Variants in AKAP12 observed in about 807,000 individuals in gnomAD.
AKAP12 encodes the protein A-kinase anchoring protein 12.
A neutral mutation model predicts 79.9 loss-of-function variants in AKAP12; 32 were observed. The ratio of observed to expected loss-of-function variants is 0.40; its 90% CI spans 0.30 to 0.54. AKAP12 has a LOEUF of 0.54. AKAP12 is among the 20% of genes least tolerant of loss of function. The pLI is 0.48. For missense variants in AKAP12, 2,074 were observed against 2,177.0 expected (o/e 0.95, Z 0.94); for synonymous variants, 808 against 857.0 (o/e 0.94, Z 1.00).
In AKAP12 at chr6:151,324,966, G is replaced by T. The variant is rs1777487084; in HGVS notation, c.319+19063G>T. On this transcript the variant is annotated intron_variant, in intron 3 of 4. Coordinates refer to ENST00000402676, the MANE Select transcript of AKAP12 (RefSeq NM_005100.4). ...GATAGTGTCTAAAAATTGGAACATG[G>T]CATAGTTTGATCTAAAAAGTTAGCT... 5 of 985,386 alleles carry T rather than the reference G, an allele frequency of 5.1e-6. No individual in the cohort carries two copies. The South Asian group carries it at 1.9e-4, about 37-fold the overall frequency. The allele number at this position is 985,386 out of a possible 1,614,324, so 61.0% of individuals were successfully genotyped here.
intron 3 of AKAP12, among the ~76,000 whole-genome samples, chr6:151,321,860 C>T (rs562902029): frequency 7.3e-5 from 11 of 151,610 alleles, no homozygotes; most frequent in African/African-American, 1.5e-4. Flanking sequence ...CCTTGCCCCC[C>T]GCCACCTGCC....
intron 3 of AKAP12, chr6:151,323,903 G>T (rs1434667110): frequency 1.0e-6 from 1 of 985,282 alleles, no homozygotes; most frequent in Non-Finnish European, 1.2e-6. Flanking sequence ...CAAGCCCTCA[G>T]ATCCCAGATC....
At chr6:151,267,447 G>A (rs974759691) in intron 2 of AKAP12, among the ~76,000 whole-genome samples, 1 of 152,186 alleles carries the variant, frequency 6.6e-6, no homozygotes, top group Admixed American at 6.5e-5. Context: ...GACCTTAAAA[G>A]ACTCATTCAG....
chr6:151,298,419 C>G (rs1266377022), intron 2 of AKAP12, among the ~76,000 whole-genome samples: 1 of 152,138 alleles, frequency 6.6e-6, no homozygotes, highest in Non-Finnish European at 1.5e-5. Flanking sequence ...ACAAAGACAG[C>G]TAAAATTTAT....
rs146201134 is a variant in AKAP12, at chr6:151,332,929, G to A, written c.320-15782G>A. On this transcript the variant is annotated intron_variant, in intron 3 of 4. Coordinates refer to ENST00000402676, the MANE Select transcript of AKAP12 (RefSeq NM_005100.4). ...ATGGGAGAGACTTGGGCGGATAGCAGCGTGTTTAAAAATGGCGGGGTCATT... is the reference window on the plus strand; with the variant it reads ...ATGGGAGAGACTTGGGCGGATAGCAACGTGTTTAAAAATGGCGGGGTCATT... Among the ~76,000 whole-genome samples, 284 of 152,308 alleles carry A rather than the reference G, an allele frequency of 1.9e-3. 1 individual carries two copies. The highest frequency in any genetic ancestry group is 6.7e-3 in the African/African-American group (278 of 41,556).
intron 3 of AKAP12, among the ~76,000 whole-genome samples, chr6:151,330,545 C>T (rs1019185417): frequency 3.3e-5 from 5 of 152,156 alleles, no homozygotes; most frequent in Admixed American, 1.3e-4. Flanking sequence ...TGTAAGCCGT[C>T]CTGATGTGCC....
In AKAP12 at chr6:151,350,010, G is replaced by A; in HGVS notation, c.1619G>A (p.Gly540Glu). 1 of 1,614,070 alleles carries A rather than the reference G, an allele frequency of 6.2e-7. No homozygotes were observed. The highest frequency in any genetic ancestry group is 8.5e-7 in the Non-Finnish European group (1 of 1,180,010). The change falls in exon 4 of 5, where the codon GGA (glycine) becomes GAA (glutamate). Residue 540 changes from glycine to glutamate, a missense_variant. This residue lies in a region of AKAP12 where 1,428 missense variants were observed against 1,451.0 expected (regional missense o/e 0.98). Transcript: ENST00000402676. The surrounding 1 kb of genome is among the most constrained non-coding windows in gnomAD (Gnocchi z 4.8). The stretch of plus-strand genomic sequence containing the variant: ...AAACAGAAAGGGAAAAGAGGAGGAG[G>A]AGACGAGGAATCAGGGGAGCACACT... ...GKKQKGKRGG[G>E]DEESGEHTQV...
chr6:151,308,144 G>A (rs1007667541), intron 3 of AKAP12, among the ~76,000 whole-genome samples: 2 of 152,092 alleles, frequency 1.3e-5, no homozygotes, highest in African/African-American at 4.8e-5. Flanking sequence ...CAAAGTGGTG[G>A]GATTACAGGT....
chr6:151,240,628 G>C lies in AKAP12; in HGVS notation c.66G>C (p.Pro22=). The C allele has an allele frequency of 1.5e-6, 2 of 1,376,182 alleles. No homozygotes were observed. Among genetic ancestry groups the C allele is most frequent in the Non-Finnish European group, 1.9e-6 (2 of 1,068,304 alleles). 85.2% of individuals were successfully genotyped at this position (1,376,182 alleles called of 1,614,324 possible). Residue 22 remains proline, a synonymous_variant, in exon 2 of 5, where the codon CCG becomes CCC. Coordinates refer to ENST00000402676, the MANE Select transcript of AKAP12 (RefSeq NM_005100.4). ...AGCCGCCCGAGGGGAGCTCCACGCC[G>C]GCTGAGCCCGAGCCCAGCGGCGGCG... The part of the protein sequence containing the change: ...PEQPPEGSST[P]AEPEPSGGGP...
At chr6:151,337,677 TG>T (rs551703419) in intron 3 of AKAP12, among the ~76,000 whole-genome samples, 237 of 152,314 alleles carry the variant, frequency 1.6e-3, no homozygotes, top group Non-Finnish European at 3.1e-3. Context: ...ACTTTCTTTT[TG>T]TTGGGAAAAC....
chr6:151,345,921 GTGTGTGT>G (rs1321696340), intron 3 of AKAP12, among the ~76,000 whole-genome samples: 1 of 139,516 alleles, frequency 7.2e-6, no homozygotes, highest in Non-Finnish European at 1.5e-5. Flanking sequence ...GTGTGTGTGT[GTGTGTGT>G]GTGTGAGAGA....
chr6:151,301,825 G>A lies in AKAP12; in HGVS notation c.163-3922G>A, dbSNP rs541485970. On this transcript the variant is annotated intron_variant, in intron 2 of 4. Coordinates refer to ENST00000402676, the MANE Select transcript of AKAP12 (RefSeq NM_005100.4). ...CTGTCATAAATCGTTTTCTACCGAAGTTAATAATGTATCTACGGCCTTTCT... is the reference window on the plus strand; with the variant it reads ...CTGTCATAAATCGTTTTCTACCGAAATTAATAATGTATCTACGGCCTTTCT... 1.6e-4 allele frequency among the ~76,000 whole-genome samples: 24 copies of A among 152,218 alleles called. No homozygotes were observed. In the South Asian group the frequency reaches 5.0e-3, roughly 32 times the overall value.
intron 2 of AKAP12, among the ~76,000 whole-genome samples, chr6:151,257,190 C>T (rs910591547): frequency 4.6e-5 from 7 of 152,078 alleles, no homozygotes; most frequent in African/African-American, 7.2e-5. Context: ...GGTAGTTTTT[C>T]AACTCTTGCC....
At chr6:151,340,715 G>C (rs1012470684) in intron 3 of AKAP12, among the ~76,000 whole-genome samples, 2 of 151,652 alleles carry the variant, frequency 1.3e-5, no homozygotes, top group African/African-American at 4.8e-5. Flanking sequence ...CCAAACCCAC[G>C]AGCAGGTTCC....
intron 3 of AKAP12, among the ~76,000 whole-genome samples, chr6:151,310,031 T>C (rs557652498): frequency 6.6e-6 from 1 of 152,050 alleles, no homozygotes; most frequent in South Asian, 2.1e-4. Flanking sequence ...TCAATCGTTT[T>C]ATAGTCTATG....
chr6:151,316,181 T>A (rs1777230600), intron 3 of AKAP12, among the ~76,000 whole-genome samples: 1 of 152,218 alleles, frequency 6.6e-6, no homozygotes, highest in Non-Finnish European at 1.5e-5. Flanking sequence ...TGCTTCGAAT[T>A]GTTTTCAAAT....
In AKAP12 at chr6:151,353,643, T is replaced by C; in HGVS notation, c.5252T>C (p.Val1751Ala). The change falls in exon 4 of 5, where the codon GTG (valine) becomes GCG (alanine). Residue 1751 changes from valine to alanine, a missense_variant. By Grantham distance (64) the Val-to-Ala change is moderately conservative (BLOSUM62 0). Transcript: ENST00000402676. ...AQEVELQEGK[V>A]HSESDKAITP... is the part of the protein sequence containing the mutation. ...GAAGTAGAATTGCAGGAAGGAAAAGTGCACAGTGAATCAGATAAAGCGATC... is the reference window on the plus strand; with the variant it reads ...GAAGTAGAATTGCAGGAAGGAAAAGCGCACAGTGAATCAGATAAAGCGATC... 1 of 1,613,898 alleles carries C rather than the reference T, an allele frequency of 6.2e-7. No individual in the cohort carries two copies.
chr6:151,285,354 A>G (rs1165849750), intron 2 of AKAP12, among the ~76,000 whole-genome samples: 4 of 150,254 alleles, frequency 2.7e-5, no homozygotes, highest in African/African-American at 9.8e-5. Flanking sequence ...TTTCCTTGCC[A>G]GGAAGTACAC....
At chr6:151,331,991 G>A (rs900644213) in intron 3 of AKAP12, among the ~76,000 whole-genome samples, 4 of 149,010 alleles carry the variant, frequency 2.7e-5, no homozygotes, top group Admixed American at 1.3e-4. Context: ...AGCCTCCCAA[G>A]TAGCTGGGAC....
Sources: gnomAD v4.1 joint callset for allele counts (sites outside exome capture counted in the v4.1 genomes callset) on GRCh38, gnomAD v4.1.1 for gene constraint, gnomAD v4.1.1 regional missense constraint, Gnocchi (gnomAD v3.1) non-coding constraint, MANE v1.5 for transcripts, NCBI Gene and HGNC (gene_info 2026-07-23, HGNC 2026-07-21) for gene names.